Variants in THAP4 observed in about 807,000 individuals in gnomAD.
The protein encoded by THAP4 is THAP domain containing 4.
THAP4 carries 18 observed loss-of-function variants against 48.1 expected under a neutral mutation model. The observed-to-expected ratio is 0.37, with a 90% CI of 0.26 to 0.56. The LOEUF is 0.56. THAP4 is among the 20% of genes least tolerant of loss of function. The pLI is 0.78. For missense variants in THAP4, 656 were observed against 774.9 expected (o/e 0.85, Z 1.82); for synonymous variants, 345 against 324.9 (o/e 1.06, Z -0.66).
chr2:241,610,695 C>T lies in THAP4; in HGVS notation c.1241-4222G>A, dbSNP rs917480345. Among the ~76,000 whole-genome samples the T allele has an allele frequency of 2.0e-5, 3 of 152,118 alleles. No individual in the cohort carries two copies. The highest frequency in any genetic ancestry group is 2.9e-5 in the Non-Finnish European group (2 of 68,018). ...CCCCTGGTCTTTCCCTCCCACCACC[C>T]ACCGTGGAGTCCTCTCCGGGAGGCC... On this transcript the variant is annotated intron_variant, in intron 2 of 5. Transcript: ENST00000407315. This position sits in a 1 kb window ranked among gnomAD's most constrained non-coding sequence, Gnocchi z 4.2.
chr2:241,585,314 C>T (rs796640652), intron 5 of THAP4, among the ~76,000 whole-genome samples: 18 of 151,264 alleles, frequency 1.2e-4, no homozygotes, highest in African/African-American at 3.7e-4. Context: ...GAATGTTTGC[C>T]GGCAAATTGT....
At chr2:241,603,996 CA>C (rs1277570450) in intron 3 of THAP4, among the ~76,000 whole-genome samples, 2 of 145,294 alleles carry the variant, frequency 1.4e-5, no homozygotes, top group African/African-American at 5.1e-5. Flanking sequence ...AAAATAAAAA[CA>C]AAAAAACCAA....
In THAP4 at chr2:241,610,013, C is replaced by T. The variant is rs2125082803; in HGVS notation, c.1241-3540G>A. Among the ~76,000 whole-genome samples the T allele has an allele frequency of 6.6e-6, 1 of 151,816 alleles. No homozygotes were observed. The highest frequency in any genetic ancestry group is 2.1e-4 in the South Asian group (1 of 4,822). On this transcript the variant is annotated intron_variant, in intron 2 of 5. Coordinates refer to ENST00000407315, the MANE Select transcript of THAP4 (RefSeq NM_015963.6). This position sits in a 1 kb window ranked among gnomAD's most constrained non-coding sequence, Gnocchi z 4.2. The stretch of plus-strand genomic sequence containing the variant: ...CCAGAGTCCAGGTTCTGAGCTGCTG[C>T]ACCGGGGCCGCGATCTCCACCCCTC...
intron 2 of THAP4, 67 bp from the exon 3 acceptor site, chr2:241,606,540 A>G (rs186231811): frequency 2.8e-6 from 4 of 1,433,550 alleles, no homozygotes; most frequent in Admixed American, 2.2e-5. Flanking sequence ...CTTTAAGCAG[A>G]ATGCACGTTC....
At chr2:241,629,876 A>G (rs889673543) in intron 2 of THAP4, among the ~76,000 whole-genome samples, 6 of 151,838 alleles carry the variant, frequency 4.0e-5, no homozygotes, top group South Asian at 2.1e-4. Context: ...AGAGCCTGAC[A>G]AGAAGCTAGG....
intron 2 of THAP4, among the ~76,000 whole-genome samples, chr2:241,623,059 T>C (rs1487145479): frequency 1.3e-5 from 2 of 151,034 alleles, no homozygotes. Flanking sequence ...CTACTAAAAA[T>C]ACAAAAATTA....
At chr2:241,589,029 T>C (rs1288391271) in intron 5 of THAP4, among the ~76,000 whole-genome samples, 1 of 152,022 alleles carries the variant, frequency 6.6e-6, no homozygotes, top group Non-Finnish European at 1.5e-5. Context: ...CTGGCCAACA[T>C]GGTGAAACCC....
At chr2:241,589,212 C>A (rs1377580707) in intron 5 of THAP4, among the ~76,000 whole-genome samples, 62 of 110,796 alleles carry the variant, frequency 5.6e-4, no homozygotes, top group African/African-American at 1.0e-3. Flanking sequence ...AACAATGTCT[C>A]AAAAAAAAAA....
chr2:241,629,462 C>A (rs768562746), intron 2 of THAP4, among the ~76,000 whole-genome samples: 28 of 148,016 alleles, frequency 1.9e-4, no homozygotes, highest in Non-Finnish European at 4.0e-4. Flanking sequence ...CAGAGCAAAG[C>A]CCTGTCTCTT....
Position 241,606,297 on chromosome 2 carries a change from G to C in THAP4, c.1400+17C>G. The C allele has an allele frequency of 6.5e-7, 1 of 1,543,892 alleles. No homozygotes were observed. The highest frequency in any genetic ancestry group is 1.2e-5 in the South Asian group (1 of 83,504). ...GCCCATGAGTCAAGCAGGGTGGGGT[G>C]GAGGGAGACAACTTACGAGAAGTTC... On this transcript the variant is annotated intron_variant, in intron 3 of 5. Coordinates refer to ENST00000407315, the MANE Select transcript of THAP4 (RefSeq NM_015963.6).
Position 241,633,539 on chromosome 2 carries a change from G to A in THAP4, c.618C>T (p.Ile206=), listed in dbSNP as rs374225158. The change falls in exon 2 of 6, where the codon ATC becomes ATT. Residue 206 remains isoleucine (I), a synonymous_variant. Coordinates refer to ENST00000407315, the MANE Select transcript of THAP4 (RefSeq NM_015963.6). This position sits in a 1 kb window ranked among gnomAD's most constrained non-coding sequence, Gnocchi z 7.5. ...CACTCTTATCTGTCACGCCCCCTTC[G>A]ATGGAGGAAGTGGCGCTCTCATCGC... The part of the protein sequence containing the change: ...DAGDESATSS[I]EGGVTDKSGI... 16 of 1,613,932 alleles carry A rather than the reference G, an allele frequency of 9.9e-6. No individual in the cohort carries two copies. Among genetic ancestry groups the A allele is most frequent in the South Asian group, 4.4e-5 (4 of 91,076 alleles).
intron 4 of THAP4, chr2:241,602,214 C>G: frequency 1.7e-6 from 1 of 584,254 alleles, no homozygotes. Flanking sequence ...TATGGAAGGC[C>G]ACCCTCTCCA....
chr2:241,627,375 T>C lies in THAP4; in HGVS notation c.1240+5542A>G, dbSNP rs35608045. Among the ~76,000 whole-genome samples, 508 of 152,366 alleles carry C rather than the reference T, an allele frequency of 3.3e-3. 3 individuals are homozygous for C. The highest frequency in any genetic ancestry group is 4.1e-3 in the South Asian group (20 of 4,830). On this transcript the variant is annotated intron_variant, in intron 2 of 5. Coordinates refer to ENST00000407315, the MANE Select transcript of THAP4 (RefSeq NM_015963.6). The stretch of plus-strand genomic sequence containing the variant: ...TAATATTTAACAGGCGTTGGTATCC[T>C]TACTGTATCAAGAACGTTTATAACT...
intron 5 of THAP4, among the ~76,000 whole-genome samples, chr2:241,592,998 T>C (rs1325442166): frequency 6.6e-6 from 1 of 152,148 alleles, no homozygotes; most frequent in Non-Finnish European, 1.5e-5. Context: ...ACCACAGCAC[T>C]TTGGGAAGCT....
intron 2 of THAP4, among the ~76,000 whole-genome samples, chr2:241,631,240 G>C (rs2067556323): frequency 4.6e-5 from 7 of 152,210 alleles, no homozygotes; most frequent in African/African-American, 1.7e-4. Flanking sequence ...CTGTTACCCT[G>C]AGGATCCAGG....
chr2:241,598,741 G>T (rs1330623833), intron 5 of THAP4, among the ~76,000 whole-genome samples: 1 of 152,084 alleles, frequency 6.6e-6, no homozygotes, highest in East Asian at 1.9e-4. Context: ...ACCTCCTGCA[G>T]TGAGGACTGC....
At chr2:241,590,069 CGAT>C (rs1211911335) in intron 5 of THAP4, among the ~76,000 whole-genome samples, 9 of 66,140 alleles carry the variant, frequency 1.4e-4, no homozygotes, top group African/African-American at 5.5e-4. Context: ...GCTCGGCTGA[CGAT>C]GATGGGCACT....
Position 241,633,739 on chromosome 2 carries a change from C to G in THAP4, c.418G>C (p.Glu140Gln). 6.2e-7 allele frequency: 1 copy of G among 1,612,076 alleles called. No individual in the cohort carries two copies. The highest frequency in any genetic ancestry group is 1.1e-5 in the South Asian group (1 of 91,032). The stretch of plus-strand genomic sequence containing the variant: ...GCAGCTTGCTTCAACCTGCGGGACT[C>G]TGGCTTGGCCATCGGGTTTCCACTC... ...SSSGNPMAKP[E>Q]SRRLKQAALQ... Residue 140 changes from glutamate (E) to glutamine (Q), a missense_variant, in exon 2 of 6, where the codon GAG becomes CAG. This residue lies in a region of THAP4 where 391 missense variants were observed against 412.4 expected (regional missense o/e 0.95). Transcript: ENST00000407315. The surrounding 1 kb of genome is among the most constrained non-coding windows in gnomAD (Gnocchi z 7.5).
At chr2:241,637,198 G>A (rs1033414625), upstream of THAP4, 179 of 988,644 alleles carry the variant, frequency 1.8e-4, no homozygotes, top group Non-Finnish European at 2.1e-4. Flanking sequence ...CCCCGCCCCA[G>A]CCCCCGCCCG....
Sources: allele counts gnomAD v4.1 joint callset (sites outside exome capture counted in the v4.1 genomes callset), GRCh38; gene constraint gnomAD v4.1.1; regional missense constraint gnomAD v4.1.1; non-coding constraint Gnocchi (gnomAD v3.1); transcripts MANE v1.5; gene names NCBI Gene and HGNC (gene_info 2026-07-23, HGNC 2026-07-21).